The following INPP5A variants were observed in gnomAD, a reference collection of about 807,000 sequenced individuals.
INPP5A encodes inositol polyphosphate-5-phosphatase A.
In INPP5A, 14 loss-of-function variants were observed where a neutral mutation model predicts 65.2. The observed-to-expected ratio is 0.21, with a 90% CI of 0.14 to 0.34. INPP5A has a LOEUF of 0.34. Among genes scored for constraint, INPP5A ranks in the 10% least tolerant of loss-of-function variants. The pLI, the probability that INPP5A is intolerant of heterozygous loss-of-function variation, is 1.00. For synonymous variants in INPP5A, 207 were observed against 208.3 expected, an observed-to-expected ratio of 0.99 and a Z score of 0.05; for missense variants, 431 against 545.6, an observed-to-expected ratio of 0.79 and a Z score of 2.09.
intron 4 of INPP5A, among the ~76,000 whole-genome samples, chr10:132,652,737 C>T (rs987652228): frequency 2.0e-5 from 3 of 152,192 alleles, no homozygotes; most frequent in African/African-American, 4.8e-5. Context: ...GAGGATGTAC[C>T]TTGTAAAACA....
intron 1 of INPP5A, among the ~76,000 whole-genome samples, chr10:132,588,125 A>G (rs2071571225): frequency 6.6e-6 from 1 of 152,048 alleles, no homozygotes; most frequent in African/African-American, 2.4e-5. Flanking sequence ...GCTAGCAGAC[A>G]TCTTTTGGAG....
chr10:132,752,109 G>GGGTGCCCAGGAGGCGTCTGGGTGGAGGCA (rs778670897), intron 11 of INPP5A, among the ~76,000 whole-genome samples: 1 of 145,700 alleles, frequency 6.9e-6, no homozygotes, highest in Non-Finnish European at 1.5e-5. Flanking sequence ...GGGTGGAGGC[G>GGGTGCCCAGGAGGCGTCTGGGTGGAGGCA]GGTGCCCAGG....
intron 4 of INPP5A, among the ~76,000 whole-genome samples, chr10:132,684,852 G>T (rs571087747): frequency 1.3e-5 from 2 of 152,184 alleles, no homozygotes; most frequent in African/African-American, 4.8e-5. Context: ...GGGCTCCTGC[G>T]TGAGGCCGCG....
chr10:132,763,958 G>A lies in INPP5A; in HGVS notation c.904-1815G>A, dbSNP rs558386319. 2.0e-5 allele frequency among the ~76,000 whole-genome samples: 3 copies of A among 152,286 alleles called. No individual in the cohort carries two copies. In the South Asian group the frequency reaches 6.2e-4, roughly 31 times the overall value. ...GCCCCTACTCTGCCTTTGAGGAGGG[G>A]CATCCGTCTCCCGAGGCCTCCGCTG... On this transcript the variant is annotated intron_variant, in intron 11 of 15. Coordinates refer to ENST00000368594, the MANE Select transcript of INPP5A (RefSeq NM_005539.5).
rs1449447700 is a variant in INPP5A, at chr10:132,644,302, C to G, written c.118-1566C>G. Among the ~76,000 whole-genome samples the G allele has an allele frequency of 6.6e-6, 1 of 152,228 alleles. No homozygotes were observed. Among genetic ancestry groups the G allele is most frequent in the Non-Finnish European group, 1.5e-5 (1 of 68,034 alleles). ...AACTCAGGCACGGCCGCCCTTGTCT[C>G]CTGCTGCCGCTGCCACCTGCAGCAC... On this transcript the variant is annotated intron_variant, in intron 2 of 15. Coordinates refer to ENST00000368594, the MANE Select transcript of INPP5A (RefSeq NM_005539.5). The surrounding 1 kb of genome is among the most constrained non-coding windows in gnomAD (Gnocchi z 6.5).
rs145749370 is a variant in INPP5A at position 132,693,656 on chromosome 10, T to C, written c.370+3201T>C. ...GTAAATTAAACCAAAAGCTGGTTGT[T>C]TGAAAAAAACAATAAAATGGATAAA... On this transcript the variant is annotated intron_variant, in intron 5 of 15. Transcript: ENST00000368594. Among the ~76,000 whole-genome samples, 111 of 152,310 alleles carry C rather than the reference T, an allele frequency of 7.3e-4. 1 individual carries two copies. The East Asian group carries it at 0.021, about 28-fold the overall frequency.
At chr10:132,687,461 C>A (rs1193871602) in intron 4 of INPP5A, among the ~76,000 whole-genome samples, 1 of 152,226 alleles carries the variant, frequency 6.6e-6, no homozygotes, top group Non-Finnish European at 1.5e-5. Flanking sequence ...AGGACACAGC[C>A]CCATGTCAGG....
At chr10:132,683,374 G>A (rs750186639) in intron 4 of INPP5A, among the ~76,000 whole-genome samples, 3 of 150,774 alleles carry the variant, frequency 2.0e-5, no homozygotes, top group Non-Finnish European at 3.0e-5. Context: ...ATGCACACAC[G>A]TTTAATCTGC....
rs2819724 is a variant in INPP5A, at chr10:132,575,880, A to G, written c.76-32035A>G. On this transcript the variant is annotated intron_variant, in intron 1 of 15. Coordinates refer to ENST00000368594, the MANE Select transcript of INPP5A (RefSeq NM_005539.5). The surrounding 1 kb of genome is among the most constrained non-coding windows in gnomAD (Gnocchi z 5.4). ...TTGTTTGCTTCTCACACTCCCTGCC[A>G]AAGGACCTGCTTGATGCCACTGACA... Among the ~76,000 whole-genome samples the G allele has an allele frequency of 1, 152,160 of 152,284 alleles. 76,018 individuals are homozygous for G. Among genetic ancestry groups the G allele is most frequent in the Middle Eastern group, 1 (294 of 294 alleles).
At chr10:132,755,639 CGTGTGCATGCATGAGCGTGAGCAGGT>C (rs1846592019) in intron 11 of INPP5A, among the ~76,000 whole-genome samples, 1 of 147,960 alleles carries the variant, frequency 6.8e-6, no homozygotes, top group Non-Finnish European at 1.5e-5. Flanking sequence ...TGTGAGCAGG[CGTGTGCATGCATGAGCGTGAGCAGGT>C]GTGTGCATGT....
intron 2 of INPP5A, among the ~76,000 whole-genome samples, chr10:132,638,962 A>G (rs558561142): frequency 6.6e-6 from 1 of 152,304 alleles, no homozygotes; most frequent in African/African-American, 2.4e-5. Flanking sequence ...TATATGTTAC[A>G]TTCATTATAT....
At chr10:132,621,213 A>G (rs2072103083) in intron 2 of INPP5A, among the ~76,000 whole-genome samples, 1 of 152,258 alleles carries the variant, frequency 6.6e-6, no homozygotes. Flanking sequence ...GAAGACTGGG[A>G]ACAGGGCAAG....
intron 9 of INPP5A, among the ~76,000 whole-genome samples, chr10:132,742,044 G>T (rs12263364): frequency 0.21 from 31,544 of 152,152 alleles, 3,461 homozygotes; most frequent in Non-Finnish European, 0.25. Context: ...TGCTCCCAGA[G>T]GCCAATCAGC....
rs554224779 is a variant in INPP5A, at chr10:132,583,927, A to T, written c.76-23988A>T. Among the ~76,000 whole-genome samples, 17 of 152,288 alleles carry T rather than the reference A, an allele frequency of 1.1e-4. No individual in the cohort carries two copies. The South Asian group carries it at 1.2e-3, about 11-fold the overall frequency. On this transcript the variant is annotated intron_variant, in intron 1 of 15. Transcript: ENST00000368594. ...TAAAACCCCATTTCTACAAAAAATTAAAAAAATCAGCCAGTTGCAGTGGTG... is the reference window on the plus strand; with the variant it reads ...TAAAACCCCATTTCTACAAAAAATTTAAAAAATCAGCCAGTTGCAGTGGTG...
chr10:132,720,671 G>A (rs1382268289), intron 8 of INPP5A, among the ~76,000 whole-genome samples: 7 of 146,940 alleles, frequency 4.8e-5, no homozygotes, highest in African/African-American at 1.8e-4. Flanking sequence ...GGGTTCTGTG[G>A]TACCTGGGTT....
At chr10:132,688,765 T>C (rs879914826) in intron 4 of INPP5A, among the ~76,000 whole-genome samples, 6 of 150,326 alleles carry the variant, frequency 4.0e-5, no homozygotes, top group Admixed American at 2.7e-4. Flanking sequence ...TGCATGTGAG[T>C]GCACGAATGA....
At chr10:132,588,299 T>C (rs1162753597) in intron 1 of INPP5A, among the ~76,000 whole-genome samples, 1 of 152,202 alleles carries the variant, frequency 6.6e-6, no homozygotes, top group Non-Finnish European at 1.5e-5. Context: ...AGGAATAATA[T>C]TCTGAGAGAA....
intron 3 of INPP5A, among the ~76,000 whole-genome samples, chr10:132,647,615 C>T (rs945119770): frequency 3.2e-4 from 48 of 152,246 alleles, no homozygotes; most frequent in South Asian, 1.5e-3. Flanking sequence ...GACGCAGGCC[C>T]GGAGAGGAGA....
At chr10:132,730,815 C>T (rs12763402) in intron 9 of INPP5A, among the ~76,000 whole-genome samples, 22,308 of 152,252 alleles carry the variant, frequency 0.15, 1,982 homozygotes, top group Middle Eastern at 0.23. Context: ...GCCCCTGCAG[C>T]GGCTGCCAGG....
Sources: gnomAD v4.1 joint callset for allele counts (sites outside exome capture counted in the v4.1 genomes callset) on GRCh38, gnomAD v4.1.1 for gene constraint, Gnocchi (gnomAD v3.1) non-coding constraint, MANE v1.5 for transcripts, NCBI Gene and HGNC (gene_info 2026-07-23, HGNC 2026-07-21) for gene names.